The following HEATR4 variants were observed in gnomAD, a reference collection of about 807,000 sequenced individuals.
The protein encoded by HEATR4 is HEAT repeat-containing protein 4.
In HEATR4, 95 loss-of-function variants were observed where a neutral mutation model predicts 108.8. The ratio of observed to expected loss-of-function variants is 0.87; its 90% confidence interval spans 0.74 to 1.04. The LOEUF (loss-of-function observed/expected upper bound fraction) is 1.04, where lower values mean the gene tolerates loss of function less well. Ranked by LOEUF, HEATR4 falls within the 50% of genes least tolerant of loss-of-function variation. The probability of loss-of-function intolerance (pLI) is 0.00; values close to 1 mark genes in which losing one functional copy is unlikely to be tolerated. For synonymous variants in HEATR4, 443 were observed against 459.4 expected (o/e 0.96, Z 0.46); for missense variants, 1,152 against 1,253.8 (o/e 0.92, Z 1.23).
chr14:73,629,730 T>C, the HEATR4 span, among the ~76,000 whole-genome samples: 14 of 151,788 alleles, frequency 9.2e-5, no homozygotes, highest in African/African-American at 2.9e-4. Context: ...CTGCAAGCTC[T>C]GCCTCCCGGG....
chr14:73,577,221 C>T, the HEATR4 span, among the ~76,000 whole-genome samples: 4 of 150,756 alleles, frequency 2.7e-5, no homozygotes, highest in African/African-American at 4.9e-5. Flanking sequence ...TGTGAGCCAC[C>T]GCTGCCAGCT....
chr14:73,511,262 C>T (rs1050344773), intron 7 of HEATR4, among the ~76,000 whole-genome samples: 1 of 152,044 alleles, frequency 6.6e-6, no homozygotes, highest in African/African-American at 2.4e-5. Context: ...CCTGTAATCC[C>T]AGCACTTTGG....
intron 11 of HEATR4, among the ~76,000 whole-genome samples, chr14:73,501,390 G>C (rs1387779551): frequency 6.6e-6 from 1 of 151,926 alleles, no homozygotes; most frequent in Non-Finnish European, 1.5e-5. Context: ...CTCCCAAAGT[G>C]CTGGGATTAC....
chr14:73,524,386 T>C (rs1379631482), intron 2 of HEATR4, among the ~76,000 whole-genome samples: 1 of 148,100 alleles, frequency 6.8e-6, no homozygotes, highest in Non-Finnish European at 1.5e-5. Context: ...TGACTCTTCA[T>C]GAATTATTGG....
chr14:73,560,457 T>G (rs1889507992), upstream of HEATR4, among the ~76,000 whole-genome samples: 1 of 151,688 alleles, frequency 6.6e-6, no homozygotes, highest in Non-Finnish European at 1.5e-5. Flanking sequence ...GGTCAGGAGA[T>G]TTAAACCATC....
At chr14:73,597,782 CAG>C in the HEATR4 span, among the ~76,000 whole-genome samples, 6 of 151,528 alleles carry the variant, frequency 4.0e-5, no homozygotes, top group East Asian at 9.9e-4. Context: ...TTAGTAGAGA[CAG>C]GGTTTTACCA....
chr14:73,492,417 C>A lies in HEATR4; in HGVS notation c.2844+649G>T. 6.2e-7 allele frequency: 1 copy of A among 1,613,808 alleles called. No homozygotes were observed. The highest frequency in any genetic ancestry group is 1.3e-5 in the African/African-American group (1 of 75,040). On this transcript the variant is annotated intron_variant, in intron 17 of 17. Transcript: ENST00000553558. The surrounding 1 kb of genome is among the most constrained non-coding windows in gnomAD (Gnocchi z 4.9). ...ATGGATTACATGGGGGCCCAGCATT[C>A]AGATTCTAAGGATCCGCGAAGAACC...
chr14:73,551,795 G>A (rs1408376291), intron 1 of HEATR4, among the ~76,000 whole-genome samples: 1 of 102,888 alleles, frequency 9.7e-6, no homozygotes, highest in Admixed American at 1.1e-4. Flanking sequence ...GGCAACAAGA[G>A]TAAATCTCCG....
At position 73,492,915 on chromosome 14, in the gene HEATR4, T is replaced by C. The variant is rs1488055559; in HGVS notation, c.2844+151A>G. On this transcript the variant is annotated intron_variant, in intron 17 of 17. Coordinates refer to ENST00000553558, the MANE Select transcript of HEATR4 (RefSeq NM_001220484.1). This position sits in a 1 kb window ranked among gnomAD's most constrained non-coding sequence, Gnocchi z 4.9. ...ACGTTGTATGATAAGGGGCTGCTGCTCACTAAGATGCCTCTAGCCCTAAAT... is the reference window on the plus strand; with the variant it reads ...ACGTTGTATGATAAGGGGCTGCTGCCCACTAAGATGCCTCTAGCCCTAAAT... 1 of 1,613,474 alleles carries C rather than the reference T, an allele frequency of 6.2e-7. No homozygotes were observed. The highest frequency in any genetic ancestry group is 1.1e-5 in the South Asian group (1 of 91,062).
chr14:73,502,883 A>G lies in HEATR4; in HGVS notation c.2105+12T>C. Reference sequence around the variant, plus strand: ...TTTAGAAGAGTGTCTCCTCATGTTGACTGGGTCTTACCTGATTATGTCGTG... The same window carrying G: ...TTTAGAAGAGTGTCTCCTCATGTTGGCTGGGTCTTACCTGATTATGTCGTG... On this transcript the variant is annotated intron_variant, in intron 11 of 17. Coordinates refer to ENST00000553558, the MANE Select transcript of HEATR4 (RefSeq NM_001220484.1). 6.3e-7 allele frequency: 1 copy of G among 1,593,234 alleles called. No individual in the cohort carries two copies. The highest frequency in any genetic ancestry group is 1.1e-5 in the South Asian group (1 of 90,636).
chr14:73,530,015 G>A (rs1312577479), intron 2 of HEATR4, 151 bp downstream of exon 2: 3 of 139,732 alleles, frequency 2.1e-5, no homozygotes, highest in African/African-American at 7.7e-5. Flanking sequence ...CCAAGCTGGA[G>A]TGCGGTGGCA....
At chr14:73,488,473 T>C (rs1261797244) in intron 17 of HEATR4, among the ~76,000 whole-genome samples, 1 of 152,014 alleles carries the variant, frequency 6.6e-6, no homozygotes, top group Non-Finnish European at 1.5e-5. Flanking sequence ...GGTTTCACTG[T>C]GCTAGCCAGG....
chr14:73,490,911 C>A (rs1262710877), intron 17 of HEATR4: 2 of 1,207,896 alleles, frequency 1.7e-6, no homozygotes, highest in Non-Finnish European at 1.1e-6. Flanking sequence ...CCCGAGGTGG[C>A]TGGAGGCCGC....
At chr14:73,584,998 A>C in the HEATR4 span, among the ~76,000 whole-genome samples, 1 of 146,838 alleles carries the variant, frequency 6.8e-6, no homozygotes, top group Non-Finnish European at 1.5e-5. Context: ...CAACCCCCTC[A>C]CCCAGACCCC....
the HEATR4 span, among the ~76,000 whole-genome samples, chr14:73,604,160 A>ATTTTTT: frequency 5.5e-5 from 5 of 91,408 alleles, no homozygotes; most frequent in African/African-American, 1.3e-4. Context: ...TCATTTGCTA[A>ATTTTTT]TTTCTTTTTT....
At chr14:73,598,246 C>T in the HEATR4 span, among the ~76,000 whole-genome samples, 11 of 139,848 alleles carry the variant, frequency 7.9e-5, no homozygotes, top group East Asian at 9.0e-4. Flanking sequence ...AAAACATAGC[C>T]GGGTGTGGTG....
In HEATR4 at chr14:73,520,986, T is replaced by A; in HGVS notation, c.935A>T (p.Lys312Met). The A allele has an allele frequency of 3.7e-6, 6 of 1,613,834 alleles. No homozygotes were observed. Among genetic ancestry groups the A allele is most frequent in the Non-Finnish European group, 5.1e-6 (6 of 1,179,982 alleles). The change falls in exon 4 of 18, where the codon AAG (lysine) becomes ATG (methionine). Residue 312 changes from lysine to methionine, a missense_variant. Lys to Met is a moderately conservative substitution (Grantham distance 95). Transcript: ENST00000553558. ...AETVEIMPGNKSTEDIHEKTS... is the reference protein window; with the variant it reads ...AETVEIMPGNMSTEDIHEKTS... ...CTTTTCATGGATATCCTCAGTGCTC[T>A]TGTTGCCAGGCATGATCTCAACTGT...
the HEATR4 span, among the ~76,000 whole-genome samples, chr14:73,572,600 T>C: frequency 0.16 from 22,717 of 141,554 alleles, 2,080 homozygotes; most frequent in Non-Finnish European, 0.21. Context: ...GTATCAGCAC[T>C]GAACTATGTC....
chr14:73,569,946 C>T, the HEATR4 span: 237 of 1,529,734 alleles, frequency 1.5e-4, 4 homozygotes, highest in Non-Finnish European at 2.0e-4. Context: ...TCTCCCCCGC[C>T]CCACGCTTTT....
Sources: allele counts gnomAD v4.1 joint callset (sites outside exome capture counted in the v4.1 genomes callset), GRCh38; gene constraint gnomAD v4.1.1; non-coding constraint Gnocchi (gnomAD v3.1); transcripts MANE v1.5; gene names NCBI Gene and HGNC (gene_info 2026-07-23, HGNC 2026-07-21).